Variants in DUSP22 observed in about 807,000 individuals in gnomAD.
DUSP22 encodes the protein dual specificity phosphatase 22, also known as dual specificity protein phosphatase 22.
Under a neutral mutation model 24.5 loss-of-function variants are expected in DUSP22, and 24 were observed. The observed-to-expected ratio is 0.98, with a 90% CI of 0.71 to 1.38. The LOEUF (loss-of-function observed/expected upper bound fraction) is 1.38, where lower values mean the gene tolerates loss of function less well. DUSP22 is among the 40% of genes most tolerant of loss of function. The pLI is 0.00. For missense variants in DUSP22, 330 were observed against 269.2 expected (o/e 1.23, Z -1.58); for synonymous variants, 160 against 106.4 (o/e 1.50, Z -3.10).
intron 1 of DUSP22, among the ~76,000 whole-genome samples, chr6:294,863 G>A (rs2127387044): frequency 1.3e-5 from 2 of 152,398 alleles, no homozygotes; most frequent in South Asian, 4.1e-4. Context: ...GAAAAGTGGG[G>A]AAAGCAGAAG....
intron 4 of DUSP22, among the ~76,000 whole-genome samples, chr6:335,532 T>G (rs1425282147): frequency 2.0e-5 from 3 of 152,418 alleles, no homozygotes; most frequent in Admixed American, 2.0e-4. Flanking sequence ...AAATAGATAG[T>G]GAGCCACAAA....
intron 3 of DUSP22, among the ~76,000 whole-genome samples, chr6:328,523 T>C (rs1302048479): frequency 1.3e-5 from 2 of 152,306 alleles, no homozygotes; most frequent in South Asian, 2.1e-4. Flanking sequence ...CTCATTTGCA[T>C]GTTGTCTCAC....
intron 4 of DUSP22, among the ~76,000 whole-genome samples, chr6:344,851 C>CTAA (rs1561681455): frequency 3.3e-5 from 5 of 152,296 alleles, no homozygotes; most frequent in Non-Finnish European, 7.3e-5. Context: ...AGTAAATCAG[C>CTAA]TTTTAGGACT....
At chr6:344,697 G>A (rs1293376260) in intron 4 of DUSP22, among the ~76,000 whole-genome samples, 1 of 152,298 alleles carries the variant, frequency 6.6e-6, no homozygotes, top group Non-Finnish European at 1.5e-5. Flanking sequence ...CTTGTCCTGG[G>A]CCACACGGTC....
At chr6:311,642 T>A (rs1001308275) in intron 2 of DUSP22, among the ~76,000 whole-genome samples, 4 of 152,164 alleles carry the variant, frequency 2.6e-5, no homozygotes, top group Admixed American at 6.5e-5. Context: ...ATGGCGCCAC[T>A]GCACTCCAGC....
chr6:344,658 C>A (rs2127420560), intron 4 of DUSP22, among the ~76,000 whole-genome samples: 1 of 152,418 alleles, frequency 6.6e-6, no homozygotes, highest in South Asian at 2.1e-4. Flanking sequence ...GAGATACCAG[C>A]CCCACTTTAT....
chr6:315,905 A>G (rs1178862459), intron 3 of DUSP22, among the ~76,000 whole-genome samples: 4 of 152,426 alleles, frequency 2.6e-5, no homozygotes, highest in African/African-American at 9.6e-5. Flanking sequence ...CTTTATAAAT[A>G]TTGGTGACAG....
chr6:313,899 A>T (rs1758220164), intron 3 of DUSP22, among the ~76,000 whole-genome samples: 1 of 152,306 alleles, frequency 6.6e-6, no homozygotes, highest in Admixed American at 6.5e-5. Flanking sequence ...ACATTAAGTT[A>T]TAGTCTCAGA....
At chr6:311,102 A>G (rs1158960824) in intron 2 of DUSP22, among the ~76,000 whole-genome samples, 1 of 152,312 alleles carries the variant, frequency 6.6e-6, no homozygotes, top group South Asian at 2.1e-4. Flanking sequence ...ATTACAAAAA[A>G]TTGTTCAGCA....
intron 3 of DUSP22, among the ~76,000 whole-genome samples, chr6:322,597 G>A (rs1758648612): frequency 1.3e-5 from 2 of 152,300 alleles, no homozygotes; most frequent in Admixed American, 6.5e-5. Flanking sequence ...TGCTTTCAGA[G>A]GAGATGCAAT....
intron 1 of DUSP22, among the ~76,000 whole-genome samples, chr6:296,051 T>C (rs1757314473): frequency 7.8e-6 from 1 of 127,512 alleles, no homozygotes; most frequent in Non-Finnish European, 1.9e-5. Flanking sequence ...CCAAGTAAGT[T>C]TTAAAATTCC....
In DUSP22 at chr6:347,199, G is replaced by T. The variant is rs1759926503; in HGVS notation, c.264-904G>T. 4.6e-5 allele frequency among the ~76,000 whole-genome samples: 7 copies of T among 152,420 alleles called. No individual in the cohort carries two copies. The South Asian group carries it at 1.2e-3, about 27-fold the overall frequency. ...CCAGGGTTGCAGCCCCAGAGGATCT[G>T]TCTTTTAAGATCTCTCCTGGTAGTT... On this transcript the variant is annotated intron_variant, in intron 5 of 6. Transcript: ENST00000419235.
At chr6:304,518 G>C in intron 1 of DUSP22, 110 bp from the exon 2 acceptor site, 1 of 1,494,924 alleles carries the variant, frequency 6.7e-7, no homozygotes, top group Non-Finnish European at 9.3e-7. Context: ...GTGCTGTACT[G>C]GGGAAGCACC....
chr6:294,056 G>A (rs1267817911), intron 1 of DUSP22, among the ~76,000 whole-genome samples: 1 of 152,236 alleles, frequency 6.6e-6, no homozygotes, highest in African/African-American at 2.4e-5. Context: ...ACTCTCCACC[G>A]TTTTCAGCAT....
At chr6:296,211 G>A (rs373329006) in intron 1 of DUSP22, among the ~76,000 whole-genome samples, 1 of 152,294 alleles carries the variant, frequency 6.6e-6, no homozygotes, top group Non-Finnish European at 1.5e-5. Flanking sequence ...TTTTGTTTGT[G>A]TGTGCAATTC....
rs1281892815 is a variant in DUSP22, at chr6:304,631, C to T, written c.25C>T (p.Leu9=). ...TCTGTGTCTGTCTCTCTCCTAGATC[C>T]TGCCCGGCCTGTACATCGGCAACTT... MGNGMNKI[L]PGLYIGNFKD... is the part of the protein sequence containing the mutation. The change falls in exon 2 of 7, where the codon CTG becomes TTG. Residue 9 remains leucine, a synonymous_variant. Coordinates refer to ENST00000419235, the MANE Select transcript of DUSP22 (RefSeq NM_001286555.3). 2.5e-6 allele frequency: 4 copies of T among 1,614,142 alleles called. No homozygotes were observed. The highest frequency in any genetic ancestry group is 3.4e-6 in the Non-Finnish European group (4 of 1,180,024).
chr6:317,048 C>G (rs1247812343), intron 3 of DUSP22, among the ~76,000 whole-genome samples: 1 of 152,296 alleles, frequency 6.6e-6, no homozygotes, highest in African/African-American at 2.4e-5. Flanking sequence ...GTTTATATTT[C>G]TTTTAACATT....
At chr6:308,176 G>A (rs1013975215) in intron 2 of DUSP22, among the ~76,000 whole-genome samples, 4 of 152,300 alleles carry the variant, frequency 2.6e-5, no homozygotes, top group Admixed American at 6.5e-5. Context: ...CTCTGCTGCC[G>A]GTTGGAGGAC....
chr6:329,327 A>G (rs1759032322), intron 3 of DUSP22, among the ~76,000 whole-genome samples: 1 of 152,274 alleles, frequency 6.6e-6, no homozygotes, highest in Admixed American at 6.5e-5. Context: ...AGGAGTTATT[A>G]CTTAATAGGT....
Sources: gnomAD v4.1 joint callset for allele counts (sites outside exome capture counted in the v4.1 genomes callset) on GRCh38, gnomAD v4.1.1 for gene constraint, MANE v1.5 for transcripts, NCBI Gene and HGNC (gene_info 2026-07-23, HGNC 2026-07-21) for gene names.